The following HSPG2 variants were observed in gnomAD, a reference collection of about 807,000 sequenced individuals.
The protein encoded by HSPG2 is basement membrane-specific heparan sulfate proteoglycan core protein.
A neutral mutation model predicts 526.6 loss-of-function variants in HSPG2; 278 were observed. That is an observed-to-expected ratio of 0.53 (90% CI 0.48 to 0.58). The LOEUF is 0.58. HSPG2 is among the 20% of genes least tolerant of loss of function. The probability of loss-of-function intolerance (pLI) is 0.00; values close to 1 mark genes in which losing one functional copy is unlikely to be tolerated. For missense variants in HSPG2, 5,354 were observed against 6,099.5 expected (o/e 0.88, Z 4.07); for synonymous variants, 2,465 against 2,555.4 (o/e 0.96, Z 1.07).
At position 21,829,589 on chromosome 1, in the gene HSPG2, G is replaced by A. The variant is rs770386216; in HGVS notation, c.11786C>T (p.Thr3929Ile). 6.2e-7 allele frequency: 1 copy of A among 1,606,546 alleles called. No individual in the cohort carries two copies. The highest frequency in any genetic ancestry group is 1.1e-5 in the South Asian group (1 of 90,792). The change falls in exon 87 of 97, where the codon ACC becomes ATC. Residue 3929 changes from threonine (T) to isoleucine (I), a missense_variant. By Grantham distance (89) the Thr-to-Ile change is moderately conservative. Coordinates refer to ENST00000374695, the MANE Select transcript of HSPG2 (RefSeq NM_005529.7). The stretch of plus-strand genomic sequence containing the variant: ...GGAGCCAGCACCCGACAGCGAGGGG[G>A]TGGTCACTGTCACACCTGCAGCAGC... ...LRCEEGVTVT[T>I]PSLSGAGSYL... is the part of the protein sequence containing the mutation.
rs1333061534 is a variant in HSPG2, at chr1:21,895,546, G to A, written c.244+376C>T. Among the ~76,000 whole-genome samples the A allele has an allele frequency of 1.3e-5, 2 of 152,182 alleles. No individual in the cohort carries two copies. Among genetic ancestry groups the A allele is most frequent in the Non-Finnish European group, 1.5e-5 (1 of 68,016 alleles). The stretch of plus-strand genomic sequence containing the variant: ...CCTCTGTTCCACTTGTCTTTGCCTG[G>A]GATCCCCAGCTCTGTGCCCCCAGGA... On this transcript the variant is annotated intron_variant, in intron 3 of 96. Transcript: ENST00000374695. The surrounding 1 kb of genome is among the most constrained non-coding windows in gnomAD (Gnocchi z 4.1).
At chr1:21,936,754 G>C (rs1644499025) in intron 1 of HSPG2, among the ~76,000 whole-genome samples, 1 of 152,206 alleles carries the variant, frequency 6.6e-6, no homozygotes, top group Non-Finnish European at 1.5e-5. Flanking sequence ...CATCACCACT[G>C]AGTGGCCGTT....
Position 21,872,835 on chromosome 1 carries a change from C to A in HSPG2, c.3889-75G>T. ...GCACCCCCAGCAGCCTGAGGCCAGC[C>A]TCCCTGGCCACTTCCAGCAGCCCCG... On this transcript the variant is annotated intron_variant, in intron 31 of 96. Transcript: ENST00000374695. This position sits in a 1 kb window ranked among gnomAD's most constrained non-coding sequence, Gnocchi z 5.5. The A allele has an allele frequency of 2.6e-6, 4 of 1,567,040 alleles. No homozygotes were observed. Among genetic ancestry groups the A allele is most frequent in the Non-Finnish European group, 3.5e-6 (4 of 1,149,572 alleles).
At chr1:21,841,781 G>T in intron 69 of HSPG2, 108 bp from the exon 70 acceptor site, 1 of 1,453,076 alleles carries the variant, frequency 6.9e-7, no homozygotes, top group Non-Finnish European at 9.6e-7. Context: ...CCTCCGGCCT[G>T]GGTGTGTCTA....
rs923862522 is a variant in HSPG2 at position 21,872,400 on chromosome 1, G to A, written c.4030-23C>T. On this transcript the variant is annotated intron_variant, in intron 32 of 96. Coordinates refer to ENST00000374695, the MANE Select transcript of HSPG2 (RefSeq NM_005529.7). The surrounding 1 kb of genome is among the most constrained non-coding windows in gnomAD (Gnocchi z 5.5). ...GATCTGGCAGGGGAAAAAGGAGGGG[G>A]CGTCAGCCTGAGCACCGGGGTGCCT... 4 of 1,546,726 alleles carry A rather than the reference G, an allele frequency of 2.6e-6. No individual in the cohort carries two copies. The Admixed American group carries it at 5.8e-5, about 22-fold the overall frequency.
At position 21,829,620 on chromosome 1, in the gene HSPG2, C is replaced by T. The variant is rs764006889; in HGVS notation, c.11771-16G>A. 6.3e-7 allele frequency: 1 copy of T among 1,597,214 alleles called. No individual in the cohort carries two copies. Among genetic ancestry groups the T allele is most frequent in the South Asian group, 1.1e-5 (1 of 89,990 alleles). On this transcript the variant is annotated splice_polypyrimidine_tract_variant and intron_variant, in intron 86 of 96. Transcript: ENST00000374695. ...ACTGTCACACCTGCAGCAGCCACAG[C>T]TCAGCTGAGGCAGTGGGGATCCTGG... is the stretch of plus-strand genomic sequence containing the variant.
chr1:21,887,052 G>A lies in HSPG2; in HGVS notation c.1078+163C>T, dbSNP rs916286620. Among the ~76,000 whole-genome samples the A allele has an allele frequency of 6.8e-6, 1 of 147,908 alleles. No homozygotes were observed. The highest frequency in any genetic ancestry group is 2.5e-5 in the African/African-American group (1 of 40,076). ...ATAAACCTTGGGGTGTGTCTCCAGG[G>A]CCTTCCGCACTCAGCCAGGGAGAGC... On this transcript the variant is annotated intron_variant, in intron 9 of 96. Coordinates refer to ENST00000374695, the MANE Select transcript of HSPG2 (RefSeq NM_005529.7). The surrounding 1 kb of genome is among the most constrained non-coding windows in gnomAD (Gnocchi z 5.0).
rs1228181394 is a variant in HSPG2 at position 21,893,853 on chromosome 1, AG to A, written c.244+2068del. ...GAGAGAAAAGGTAAGACAAAGGTGA[AG>A]AAAAAGGCAGAGGGAAAAAGAAAAA... is the stretch of plus-strand genomic sequence containing the variant. On this transcript the variant is annotated intron_variant, in intron 3 of 96. Coordinates refer to ENST00000374695, the MANE Select transcript of HSPG2 (RefSeq NM_005529.7). The surrounding 1 kb of genome is among the most constrained non-coding windows in gnomAD (Gnocchi z 4.3). Among the ~76,000 whole-genome samples the A allele has an allele frequency of 2.0e-5, 3 of 151,542 alleles. No homozygotes were observed. The East Asian group carries it at 5.8e-4, about 29-fold the overall frequency.
chr1:21,928,758 T>C (rs1644272397), intron 1 of HSPG2, among the ~76,000 whole-genome samples: 1 of 150,196 alleles, frequency 6.7e-6, no homozygotes. Context: ...CACTTGATTT[T>C]TTTTTTTTGA....
rs1284186792 is a variant in HSPG2 at position 21,847,605 on chromosome 1, G to C, written c.8025+84C>G. On this transcript the variant is annotated intron_variant, in intron 61 of 96. Transcript: ENST00000374695. The surrounding 1 kb of genome is among the most constrained non-coding windows in gnomAD (Gnocchi z 4.1). The stretch of plus-strand genomic sequence containing the variant: ...TGAGGCTGCTATCGGTCTACCCAGG[G>C]CCCAATCCGTGAGACAGGGAGCCTG... 1 of 1,604,400 alleles carries C rather than the reference G, an allele frequency of 6.2e-7. No homozygotes were observed. Among genetic ancestry groups the C allele is most frequent in the Non-Finnish European group, 8.5e-7 (1 of 1,173,586 alleles).
Position 21,937,178 on chromosome 1 carries a change from G to T in HSPG2, c.40C>A (p.Leu14Met). ...ACCGCCAGCAGCCGCCCGTGCAGCA[G>T]CAGCGCCAGCAGCAGCGCGCCCGCC... ...RAAGALLLAL[L>M]LHGRLLAVTH... Residue 14 changes from leucine to methionine, a missense_variant, in exon 1 of 97, where the codon CTG becomes ATG. Physicochemically the swap from Leu to Met is conservative, Grantham distance 15. Coordinates refer to ENST00000374695, the MANE Select transcript of HSPG2 (RefSeq NM_005529.7). 1 of 1,081,696 alleles carries T rather than the reference G, an allele frequency of 9.2e-7. No individual in the cohort carries two copies. The highest frequency in any genetic ancestry group is 1.1e-6 in the Non-Finnish European group (1 of 880,776). 67.0% of individuals were successfully genotyped at this position (1,081,696 alleles called of 1,614,324 possible).
At position 21,855,390 on chromosome 1, in the gene HSPG2, G is replaced by T. The variant is rs781782474; in HGVS notation, c.5911C>A (p.Arg1971Ser). The change falls in exon 47 of 97, where the codon CGC becomes AGC. Residue 1971 changes from arginine (R) to serine (S), a missense_variant. Arg to Ser is a moderately radical substitution (Grantham distance 110, BLOSUM62 -1). Coordinates refer to ENST00000374695, the MANE Select transcript of HSPG2 (RefSeq NM_005529.7). ...SPERTQVHAG[R>S]TVRLYCRAAG... The stretch of plus-strand genomic sequence containing the variant: ...GCCCTGCAGTACAGCCTGACGGTGC[G>T]GCCTGCGTGGACCTGGGTCCTCTCT... 2 of 1,612,816 alleles carry T rather than the reference G, an allele frequency of 1.2e-6. No individual in the cohort carries two copies. Among genetic ancestry groups the T allele is most frequent in the Non-Finnish European group, 1.7e-6 (2 of 1,179,796 alleles).
At position 21,887,328 on chromosome 1, in the gene HSPG2, G is replaced by A. The variant is rs115267963; in HGVS notation, c.965C>T (p.Pro322Leu). ...GAACTCGTTGGGCTCACAGGGTGGCGGGGGGCCTAGGAGACCGGGCAGGGG... is the reference window on the plus strand; with the variant it reads ...GAACTCGTTGGGCTCACAGGGTGGCAGGGGGCCTAGGAGACCGGGCAGGGG... ...DGSDELDCGP[P>L]PPCEPNEFPC... is the part of the protein sequence containing the mutation. Residue 322 changes from proline to leucine, a missense_variant, in exon 9 of 97, where the codon CCG becomes CTG. Physicochemically the swap from Pro to Leu is moderately conservative, Grantham distance 98. Coordinates refer to ENST00000374695, the MANE Select transcript of HSPG2 (RefSeq NM_005529.7). The surrounding 1 kb of genome is among the most constrained non-coding windows in gnomAD (Gnocchi z 5.0). 125 of 1,613,992 alleles carry A rather than the reference G, an allele frequency of 7.7e-5. No individual in the cohort carries two copies. The African/African-American group carries it at 8.9e-4, about 12-fold the overall frequency.
At position 21,887,432 on chromosome 1, in the gene HSPG2, C is replaced by A; in HGVS notation, c.946G>T (p.Glu316Ter). The change falls in exon 8 of 97, where the codon GAG becomes TAG. Residue 316 changes from glutamate (E) to a stop codon, truncating the protein, a stop_gained. Coordinates refer to ENST00000374695, the MANE Select transcript of HSPG2 (RefSeq NM_005529.7). LOFTEE classifies it high-confidence loss of function. This position sits in a 1 kb window ranked among gnomAD's most constrained non-coding sequence, Gnocchi z 5.0. The stretch of plus-strand genomic sequence containing the variant: ...TGCCGGTGCGCACCACAGTCTAGCT[C>A]ATCGCTGCCGTCCTCGCAGTCCTCC... ...GQEDCEDGSDELDCGPPPPCE... is the reference protein window; with the variant it reads ...GQEDCEDGSD The A allele has an allele frequency of 6.2e-7, 1 of 1,614,064 alleles. No individual in the cohort carries two copies. Among genetic ancestry groups the A allele is most frequent in the Non-Finnish European group, 8.5e-7 (1 of 1,179,980 alleles).
chr1:21,830,244 G>A (rs1311047763), intron 85 of HSPG2, 153 bp from the exon 86 acceptor site: 1 of 660,650 alleles, frequency 1.5e-6, no homozygotes, highest in East Asian at 2.7e-5. Flanking sequence ...GAACTGAGCA[G>A]AGCAAGGCGG....
At chr1:21,884,419 T>C in intron 13 of HSPG2, 109 bp downstream of exon 13, 2 of 1,435,014 alleles carry the variant, frequency 1.4e-6, no homozygotes, top group South Asian at 1.2e-5. Context: ...GCGACTCACA[T>C]TCCTTCCCGA....
chr1:21,887,745 CCCCAGG>C lies in HSPG2; in HGVS notation c.704-77_704-72del. The C allele has an allele frequency of 2.5e-6, 4 of 1,599,212 alleles. No individual in the cohort carries two copies. The highest frequency in any genetic ancestry group is 3.4e-6 in the Non-Finnish European group (4 of 1,167,526). On this transcript the variant is annotated intron_variant, in intron 7 of 96. Coordinates refer to ENST00000374695, the MANE Select transcript of HSPG2 (RefSeq NM_005529.7). The surrounding 1 kb of genome is among the most constrained non-coding windows in gnomAD (Gnocchi z 5.0). ...TCACCTGCTCCTTGTCCCCAACCCT[CCCCAGG>C]CCCACCCTGTACTCCCCAACACCAC...
chr1:21,852,089 T>C lies in HSPG2; in HGVS notation c.6869A>G (p.Gln2290Arg). ...TCCCACATTCTTGGTGCCCTGTACC[T>C]GGTGCCGGGCAGGGAGGCTGCCCCC... ...KRGGSLPARH[Q>R]VRGSRLYIFQ... Residue 2290 changes from glutamine to arginine, a missense_variant and splice_region_variant, in exon 53 of 97, where the codon CAG becomes CGG. Coordinates refer to ENST00000374695, the MANE Select transcript of HSPG2 (RefSeq NM_005529.7). 2 of 1,613,432 alleles carry C rather than the reference T, an allele frequency of 1.2e-6. No individual in the cohort carries two copies. The highest frequency in any genetic ancestry group is 1.7e-6 in the Non-Finnish European group (2 of 1,180,006).
In HSPG2 at chr1:21,838,891, G is replaced by T. The variant is rs368151242; in HGVS notation, c.10084C>A (p.Arg3362Ser). Residue 3362 changes from arginine to serine, a missense_variant, in exon 74 of 97, where the codon CGC (arginine) becomes AGC (serine). Transcript: ENST00000374695. ...FERAAPEDSG[R>S]YRCRVTNKVG... is the part of the protein sequence containing the mutation. ...TTGTTGGTGACCCGGCAGCGGTAGC[G>T]GCCTGAGTCCTCAGGGGCTGCACGC... 6.2e-7 allele frequency: 1 copy of T among 1,612,472 alleles called. No individual in the cohort carries two copies. Among genetic ancestry groups the T allele is most frequent in the Non-Finnish European group, 8.5e-7 (1 of 1,179,618 alleles).
Sources: allele counts gnomAD v4.1 joint callset (sites outside exome capture counted in the v4.1 genomes callset), GRCh38; gene constraint gnomAD v4.1.1; non-coding constraint Gnocchi (gnomAD v3.1); transcripts MANE v1.5; gene names NCBI Gene and HGNC (gene_info 2026-07-23, HGNC 2026-07-21).